SNX14: variants seen among roughly 807,000 people sequenced by gnomAD.
SNX14 encodes the protein sorting nexin 14.
In SNX14, 93 loss-of-function variants were observed where a neutral mutation model predicts 133.8. That is an observed-to-expected ratio of 0.70 (90% confidence interval 0.59 to 0.83). SNX14 has a LOEUF of 0.83. Ranked by LOEUF, SNX14 falls within the 40% of genes least tolerant of loss-of-function variation. The pLI is 0.00. For missense variants in SNX14, 945 were observed against 1,094.9 expected (o/e 0.86, Z 1.93); for synonymous variants, 368 against 365.6 (o/e 1.01, Z -0.07).
chr6:85,555,266 C>A (rs751187968), intron 7 of SNX14, among the ~76,000 whole-genome samples: 26 of 152,140 alleles, frequency 1.7e-4, no homozygotes, highest in Non-Finnish European at 7.4e-5. Flanking sequence ...AAAAATACTT[C>A]CCCCGCACAA....
chr6:85,576,051 T>C (rs549983229), intron 1 of SNX14, among the ~76,000 whole-genome samples: 4 of 152,208 alleles, frequency 2.6e-5, no homozygotes, highest in Non-Finnish European at 4.4e-5. Flanking sequence ...TATACTATTA[T>C]AACTGACAAT....
At position 85,521,570 on chromosome 6, in the gene SNX14, G is replaced by A. The variant is rs78825929; in HGVS notation, c.2108-3522C>T. 3.8e-3 allele frequency among the ~76,000 whole-genome samples: 585 copies of A among 152,188 alleles called. 2 individuals are homozygous for A. Among genetic ancestry groups the A allele is most frequent in the African/African-American group, 0.013 (558 of 41,518 alleles). On this transcript the variant is annotated intron_variant, in intron 21 of 28. Transcript: ENST00000314673. The stretch of plus-strand genomic sequence containing the variant: ...AGGTTAAATAGTTGCAAAACATACA[G>A]GTAAAATATCCATAAATATTTCCTC...
chr6:85,576,074 T>C (rs1797235425), intron 1 of SNX14, among the ~76,000 whole-genome samples: 2 of 152,208 alleles, frequency 1.3e-5, no homozygotes, highest in Admixed American at 6.5e-5. Context: ...GAGTTTTCAA[T>C]GTCTTGACAA....
At chr6:85,507,783 T>C (rs899076260) in intron 27 of SNX14, among the ~76,000 whole-genome samples, 185 bp downstream of exon 27, 3 of 152,184 alleles carry the variant, frequency 2.0e-5, no homozygotes, top group Non-Finnish European at 2.9e-5. Flanking sequence ...TAATTCATCT[T>C]ATTTAGAAAA....
intron 7 of SNX14, 35 bp downstream of exon 7, chr6:85,557,941 A>T (rs755270030): frequency 1.5e-6 from 2 of 1,305,212 alleles, no homozygotes; most frequent in Non-Finnish European, 2.2e-6. Context: ...GTATAAAAAC[A>T]AAATTACTCA....
intron 4 of SNX14, 193 bp from the exon 5 acceptor site, chr6:85,567,770 C>G: frequency 2.8e-6 from 1 of 361,924 alleles, no homozygotes; most frequent in Non-Finnish European, 5.1e-6. Context: ...ATGGCTTTAG[C>G]TCACGAGTTT....
At chr6:85,557,433 T>G (rs548095429) in intron 7 of SNX14, among the ~76,000 whole-genome samples, 3 of 152,234 alleles carry the variant, frequency 2.0e-5, no homozygotes, top group African/African-American at 7.2e-5. Flanking sequence ...GTGCAAATCA[T>G]GACAGGAAAA....
chr6:85,579,903 G>A (rs1432486400), intron 1 of SNX14, among the ~76,000 whole-genome samples: 1 of 152,170 alleles, frequency 6.6e-6, no homozygotes, highest in South Asian at 2.1e-4. Flanking sequence ...GGACTTGGAG[G>A]GCATGTGAAC....
intron 7 of SNX14, among the ~76,000 whole-genome samples, chr6:85,551,847 A>G (rs1016233477): frequency 1.3e-5 from 2 of 152,210 alleles, no homozygotes; most frequent in Non-Finnish European, 2.9e-5. Context: ...ATAAATACTG[A>G]TGACAAAAGT....
chr6:85,537,231 A>G (rs567814826), intron 16 of SNX14, among the ~76,000 whole-genome samples: 2 of 152,272 alleles, frequency 1.3e-5, no homozygotes, highest in South Asian at 4.1e-4. Flanking sequence ...AAAAGATGAG[A>G]GCCCCCTAGT....
intron 4 of SNX14, among the ~76,000 whole-genome samples, chr6:85,569,942 C>T (rs1795039874): frequency 6.6e-6 from 1 of 152,144 alleles, no homozygotes; most frequent in Non-Finnish European, 1.5e-5. Flanking sequence ...TGTTTCAAGC[C>T]TCTCTTTCCT....
chr6:85,590,080 C>T (rs1262571854), intron 1 of SNX14, among the ~76,000 whole-genome samples: 1 of 152,222 alleles, frequency 6.6e-6, no homozygotes, highest in Non-Finnish European at 1.5e-5. Context: ...TAAAGGCAAT[C>T]CCTGCTGGCA....
intron 1 of SNX14, among the ~76,000 whole-genome samples, chr6:85,578,308 A>AAGCCATATAATGGCTTTTATAT (rs1386812810): frequency 2.6e-5 from 4 of 152,226 alleles, no homozygotes; most frequent in Non-Finnish European, 5.9e-5. Flanking sequence ...CAAGAATTAA[A>AAGCCATATAATGGCTTTTATAT]AGCCATATAA....
intron 6 of SNX14, among the ~76,000 whole-genome samples, chr6:85,559,989 A>G (rs1791011249): frequency 6.6e-6 from 1 of 152,214 alleles, no homozygotes; most frequent in Admixed American, 6.5e-5. Flanking sequence ...TGAGATTATA[A>G]ATAGTTCTGG....
intron 1 of SNX14, among the ~76,000 whole-genome samples, chr6:85,582,232 C>T (rs1583109568): frequency 6.6e-6 from 1 of 152,086 alleles, no homozygotes; most frequent in South Asian, 2.1e-4. Context: ...AGGAAAAAAA[C>T]TTTCACCCTA....
In SNX14 at chr6:85,526,098, CT is replaced by C. The variant is rs1778405984; in HGVS notation, c.2107+27del. The stretch of plus-strand genomic sequence containing the variant: ...ATGCTGATTCTTTTCAGCTTATTAT[CT>C]TATAATGATTCTTTAAATTGACTTA... On this transcript the variant is annotated intron_variant, in intron 21 of 28. Transcript: ENST00000314673. 2.2e-6 allele frequency: 3 copies of C among 1,386,344 alleles called. No individual in the cohort carries two copies. In the African/African-American group the frequency reaches 4.3e-5, roughly 20 times the overall value. 85.9% of individuals were successfully genotyped at this position (1,386,344 alleles called of 1,614,324 possible).
chr6:85,547,589 C>T (rs866534712), intron 9 of SNX14, 39 bp from the exon 10 acceptor site: 2 of 1,452,554 alleles, frequency 1.4e-6, no homozygotes, highest in African/African-American at 1.4e-5. Context: ...AATAATTCCA[C>T]TACTGTATTC....
intron 26 of SNX14, among the ~76,000 whole-genome samples, chr6:85,509,136 G>A (rs1771845314): frequency 1.3e-5 from 2 of 152,120 alleles, no homozygotes; most frequent in African/African-American, 4.8e-5. Flanking sequence ...AGGAGCAGAG[G>A]ATAACACAAA....
In SNX14 at chr6:85,565,428, AG is replaced by A; in HGVS notation, c.462-10del. The A allele has an allele frequency of 6.4e-7, 1 of 1,568,762 alleles. No homozygotes were observed. Among genetic ancestry groups the A allele is most frequent in the Admixed American group, 1.8e-5 (1 of 54,278 alleles). ...CATCATCTGTCACATCCCTTCAATA[AG>A]GAGAAAAACAAATATTCAGAAGTTC... On this transcript the variant is annotated splice_polypyrimidine_tract_variant and intron_variant, in intron 5 of 28. Coordinates refer to ENST00000314673, the MANE Select transcript of SNX14 (RefSeq NM_153816.6).
Sources: gnomAD v4.1 joint callset for allele counts (sites outside exome capture counted in the v4.1 genomes callset) on GRCh38, gnomAD v4.1.1 for gene constraint, MANE v1.5 for transcripts, NCBI Gene and HGNC (gene_info 2026-07-23, HGNC 2026-07-21) for gene names.